Variants in ALDH3B2 observed in about 807,000 individuals in gnomAD.
ALDH3B2 encodes the protein aldehyde dehydrogenase family 3 member B2.
A neutral mutation model predicts 36.7 loss-of-function variants in ALDH3B2; 45 were observed. The ratio of observed to expected loss-of-function variants is 1.23; its 90% CI spans 0.97 to 1.57. ALDH3B2 has a LOEUF of 1.57. Ranked by LOEUF, ALDH3B2 falls within the 40% of genes most tolerant of loss-of-function variation. ALDH3B2 has a pLI of 0.00. For synonymous variants in ALDH3B2, 217 were observed against 226.5 expected (o/e 0.96, Z 0.38); for missense variants, 464 against 513.3 (o/e 0.90, Z 0.93).
chr11:67,676,153 A>G (rs1379921994), upstream of ALDH3B2, among the ~76,000 whole-genome samples: 1 of 152,178 alleles, frequency 6.6e-6, no homozygotes, highest in Admixed American at 6.5e-5. Flanking sequence ...AGGCTGAGGC[A>G]GGAGAATTGC....
chr11:67,666,918 C>T lies in ALDH3B2; in HGVS notation c.18G>A (p.Arg6=), dbSNP rs113398365. 15 of 1,614,190 alleles carry T rather than the reference C, an allele frequency of 9.3e-6. 1 individual carries two copies. The African/African-American group carries it at 9.3e-5, about 10-fold the overall frequency. ...CAGCAGGGCTCACCAGGTTCGTGGA[C>T]CGTGGTTCATCCTTCATCCAGGCCT... The change falls in exon 3 of 10, where the codon CGG becomes CGA. Residue 6 remains arginine, a synonymous_variant. Coordinates refer to ENST00000349015, the Ensembl canonical transcript of ALDH3B2.
Position 67,665,823 on chromosome 11 carries a change from C to T in ALDH3B2, c.320-152G>A, listed in dbSNP as rs1855892570. On this transcript the variant is annotated intron_variant, in intron 6 of 9. Coordinates refer to ENST00000349015, the Ensembl canonical transcript of ALDH3B2. ...GACCCCATCCTCAACTGGCCTTGAC[C>T]ACACACTCCAGGCACCTGACTCTTG... is the stretch of plus-strand genomic sequence containing the variant. 3.2e-6 allele frequency: 4 copies of T among 1,251,182 alleles called. No homozygotes were observed. The East Asian group carries it at 7.1e-5, about 22-fold the overall frequency. The allele number at this position is 1,251,182 out of a possible 1,614,324, so 77.5% of individuals were successfully genotyped here.
intron 1 of ALDH3B2, among the ~76,000 whole-genome samples, chr11:67,673,272 T>C (rs4930472): frequency 0.72 from 109,988 of 152,146 alleles, 41,860 homozygotes; most frequent in South Asian, 0.9. Flanking sequence ...ACTGGGGACC[T>C]CTGGCTGCTC....
chr11:67,663,340 G>T, exon 10 of ALDH3B2: 1 of 1,614,114 alleles, frequency 6.2e-7, no homozygotes, highest in Non-Finnish European at 8.5e-7. Flanking sequence ...AGGCAGGTGC[G>T]GTGGTGGGAG....
At chr11:67,663,212 C>T (rs377636061) in exon 10 of ALDH3B2, 494 of 1,597,880 alleles carry the variant, frequency 3.1e-4, no homozygotes, top group Admixed American at 6.3e-4. Context: ...GCGGGTGGGA[C>T]GCTCACAGGA....
At chr11:67,676,015 G>T (rs1856262841), upstream of ALDH3B2, among the ~76,000 whole-genome samples, 1 of 152,228 alleles carries the variant, frequency 6.6e-6, no homozygotes, top group African/African-American at 2.4e-5. Context: ...GGAGGCCGAA[G>T]CTGGTGGATC....
chr11:67,663,467 C>T, intron 9 of ALDH3B2, 68 bp from the exon 10 acceptor site: 1 of 1,546,208 alleles, frequency 6.5e-7, no homozygotes, highest in African/African-American at 1.4e-5. Flanking sequence ...CAGCCCACTG[C>T]CCCGGCCAGG....
upstream of ALDH3B2, among the ~76,000 whole-genome samples, chr11:67,676,473 G>C (rs1856274434): frequency 6.6e-6 from 1 of 151,962 alleles, no homozygotes; most frequent in Admixed American, 6.6e-5. Context: ...TAAGAGGAAA[G>C]TTCATAGCCC....
At chr11:67,675,297 G>A (rs1443448238), upstream of ALDH3B2, among the ~76,000 whole-genome samples, 1 of 152,238 alleles carries the variant, frequency 6.6e-6, no homozygotes, top group African/African-American at 2.4e-5. Context: ...TGGTTCTTGA[G>A]AGGGTCACAG....
chr11:67,666,257 C>T (rs1273014599), intron 5 of ALDH3B2, 54 bp from the exon 6 acceptor site: 9 of 1,612,778 alleles, frequency 5.6e-6, no homozygotes, highest in East Asian at 2.2e-5. Flanking sequence ...CGGGCCTCCT[C>T]AGCCCACAGG....
At position 67,666,894 on chromosome 11, in the gene ALDH3B2, A is replaced by T; in HGVS notation, c.30+12T>A. 1 of 1,614,206 alleles carries T rather than the reference A, an allele frequency of 6.2e-7. No homozygotes were observed. Among genetic ancestry groups the T allele is most frequent in the Non-Finnish European group, 8.5e-7 (1 of 1,180,034 alleles). ...CTGCCCTGCCCTCCTGCCGCCTGCCAGCAGGGCTCACCAGGTTCGTGGACC... is the reference window on the plus strand; with the variant it reads ...CTGCCCTGCCCTCCTGCCGCCTGCCTGCAGGGCTCACCAGGTTCGTGGACC... On this transcript the variant is annotated intron_variant, in intron 3 of 9. Coordinates refer to ENST00000349015, the Ensembl canonical transcript of ALDH3B2.
At chr11:67,679,698 GAA>G (rs545911365), upstream of ALDH3B2, among the ~76,000 whole-genome samples, 1 of 141,786 alleles carries the variant, frequency 7.1e-6, no homozygotes. Context: ...AGAATGGCGT[GAA>G]AAAAAAAAAA....
chr11:67,663,207 T>A (rs777456019), exon 10 of ALDH3B2: 1 of 1,594,070 alleles, frequency 6.3e-7, no homozygotes, highest in Non-Finnish European at 8.6e-7. Flanking sequence ...TGGAGGCGGG[T>A]GGGACGCTCA....
chr11:67,663,822 G>A (rs1434949870), intron 8 of ALDH3B2, 61 bp from the exon 9 acceptor site: 41 of 1,438,522 alleles, frequency 2.9e-5, no homozygotes, highest in South Asian at 8.7e-5. Flanking sequence ...CTTGAGCCCC[G>A]CACATTCCAC....
upstream of ALDH3B2, among the ~76,000 whole-genome samples, chr11:67,677,221 C>T (rs749148818): frequency 5.9e-5 from 9 of 152,090 alleles, no homozygotes; most frequent in African/African-American, 1.2e-4. Flanking sequence ...ACTAGCTAAC[C>T]GAATTCAACA....
At chr11:67,666,950 T>A in exon 3 of ALDH3B2, 1 of 1,614,128 alleles carries the variant, frequency 6.2e-7, no homozygotes. Context: ...GCCTGCAGGT[T>A]CTTGAGAGCG....
At chr11:67,665,663 G>A (rs376493275) in exon 7 of ALDH3B2, 14 of 1,607,998 alleles carry the variant, frequency 8.7e-6, no homozygotes, top group African/African-American at 2.7e-5. Context: ...TTGCCCACAC[G>A]AGGGCTCCCT....
intron 1 of ALDH3B2, among the ~76,000 whole-genome samples, chr11:67,680,262 C>A (rs1327188302): frequency 6.6e-6 from 1 of 152,048 alleles, no homozygotes; most frequent in Non-Finnish European, 1.5e-5. Context: ...TGCAGTAAGC[C>A]GAGATTGCAC....
intron 1 of ALDH3B2, among the ~76,000 whole-genome samples, chr11:67,672,081 ATATATATG>A (rs1309914321): frequency 1.4e-5 from 1 of 70,834 alleles, no homozygotes; most frequent in African/African-American, 5.9e-5. Flanking sequence ...ATATATATAT[ATATATATG>A]TATGTATGTA....
Sources: allele counts gnomAD v4.1 joint callset (sites outside exome capture counted in the v4.1 genomes callset), GRCh38; gene constraint gnomAD v4.1.1; transcripts MANE v1.5; gene names NCBI Gene and HGNC (gene_info 2026-07-23, HGNC 2026-07-21).